GRIN2B: variants seen among roughly 807,000 people sequenced by gnomAD.
The protein encoded by GRIN2B is glutamate receptor ionotropic, NMDA 2B.
A neutral mutation model predicts 114.5 loss-of-function variants in GRIN2B; 5 were observed. That is an observed-to-expected ratio of 0.04 (90% confidence interval 0.02 to 0.09). GRIN2B has a LOEUF of 0.09. Among genes scored for constraint, GRIN2B ranks in the 10% least tolerant of loss-of-function variants. The pLI is 1.00. For missense variants in GRIN2B, 1,108 were observed against 1,943.5 expected (o/e 0.57, Z 8.08); for synonymous variants, 787 against 745.1 (o/e 1.06, Z -0.92).
At chr12:13,917,660 G>GA (rs199814901) in intron 2 of GRIN2B, among the ~76,000 whole-genome samples, 1 of 139,394 alleles carries the variant, frequency 7.2e-6, no homozygotes, top group Non-Finnish European at 1.6e-5. Context: ...AAGTTTTAAG[G>GA]AGTACACTTA....
chr12:13,638,788 C>T (rs1949687128), intron 5 of GRIN2B, among the ~76,000 whole-genome samples: 1 of 152,016 alleles, frequency 6.6e-6, no homozygotes, highest in Admixed American at 6.6e-5. Context: ...ACTGTGTATT[C>T]CTGGTGACCT....
At chr12:13,955,799 A>T (rs1356524150) in intron 2 of GRIN2B, among the ~76,000 whole-genome samples, 1 of 152,196 alleles carries the variant, frequency 6.6e-6, no homozygotes, top group African/African-American at 2.4e-5. Context: ...ACAAAGAGCC[A>T]TCCCATTTAA....
intron 3 of GRIN2B, among the ~76,000 whole-genome samples, chr12:13,766,135 T>C (rs1347864537): frequency 6.6e-6 from 1 of 152,228 alleles, no homozygotes; most frequent in Non-Finnish European, 1.5e-5. Flanking sequence ...TGTAACATTA[T>C]TGTTTGCTAA....
intron 2 of GRIN2B, among the ~76,000 whole-genome samples, chr12:13,933,361 T>C (rs1316890792): frequency 1.3e-5 from 2 of 152,226 alleles, no homozygotes; most frequent in African/African-American, 2.4e-5. Flanking sequence ...GTGGCTGCTA[T>C]ATATCTCCGT....
rs972192366 is a variant in GRIN2B at position 13,540,220 on chromosome 12, ACT to A, written c.*22561_*22562del. On this transcript the variant is annotated 3_prime_UTR_variant, in exon 14 of 14. Coordinates refer to ENST00000609686, the MANE Select transcript of GRIN2B (RefSeq NM_000834.5). The stretch of plus-strand genomic sequence containing the variant: ...AGAAAGCACAAAGACCAAGAAAAAA[ACT>A]CTGATTCTGGATTTTTTTTAACCCT... The A allele has an allele frequency of 1.1e-4, 16 of 152,082 alleles. No individual in the cohort carries two copies. The highest frequency in any genetic ancestry group is 3.9e-4 in the African/African-American group (16 of 41,412). 9.4% of individuals were successfully genotyped at this position (152,082 alleles called of 1,614,324 possible).
intron 3 of GRIN2B, among the ~76,000 whole-genome samples, chr12:13,855,639 C>T (rs148970464): frequency 3.3e-5 from 5 of 152,262 alleles, no homozygotes; most frequent in Admixed American, 1.3e-4. Flanking sequence ...ATATGGGCTT[C>T]TCCTCTGTGT....
At position 13,560,851 on chromosome 12, in the gene GRIN2B, G is replaced by C. The variant is rs948497553; in HGVS notation, c.*1932C>G. The C allele has an allele frequency of 2.0e-5, 3 of 152,328 alleles. No individual in the cohort carries two copies. The highest frequency in any genetic ancestry group is 7.2e-5 in the African/African-American group (3 of 41,474). The allele number at this position is 152,328 out of a possible 1,614,324, so 9.4% of individuals were successfully genotyped here. On this transcript the variant is annotated 3_prime_UTR_variant, in exon 14 of 14. Coordinates refer to ENST00000609686, the MANE Select transcript of GRIN2B (RefSeq NM_000834.5). ...CAAGGGCGGGATGAGGAAGGGTCAC[G>C]AGTGAGGGCAAACAGGGGCGAAGAG...
intron 2 of GRIN2B, among the ~76,000 whole-genome samples, chr12:13,914,637 A>G (rs772408826): frequency 1.3e-5 from 2 of 152,242 alleles, no homozygotes; most frequent in Non-Finnish European, 2.9e-5. Context: ...TCATTGTAGC[A>G]TGATTCACAA....
chr12:13,949,735 T>A (rs922993736), intron 2 of GRIN2B, among the ~76,000 whole-genome samples: 9 of 152,142 alleles, frequency 5.9e-5, no homozygotes, highest in African/African-American at 1.9e-4. Flanking sequence ...TTGCATTCAA[T>A]GTAGTGTATA....
intron 10 of GRIN2B, among the ~76,000 whole-genome samples, chr12:13,598,034 T>C (rs529078521): frequency 6.6e-6 from 1 of 152,178 alleles, no homozygotes; most frequent in South Asian, 2.1e-4. Context: ...TAGGGTGGGG[T>C]GGAAGGCAGT....
At chr12:13,626,697 G>T (rs994328930) in intron 5 of GRIN2B, among the ~76,000 whole-genome samples, 1 of 151,810 alleles carries the variant, frequency 6.6e-6, no homozygotes, top group Non-Finnish European at 1.5e-5. Context: ...TCCATCATTG[G>T]TTGCATGTGA....
At chr12:13,980,839 G>C (rs1863120096) in intron 1 of GRIN2B, among the ~76,000 whole-genome samples, 1 of 152,180 alleles carries the variant, frequency 6.6e-6, no homozygotes, top group Admixed American at 6.5e-5. Flanking sequence ...TGTGCTGAAT[G>C]GGTTCTGATT....
At chr12:13,847,877 A>G (rs1426437934) in intron 3 of GRIN2B, among the ~76,000 whole-genome samples, 1 of 152,140 alleles carries the variant, frequency 6.6e-6, no homozygotes, top group African/African-American at 2.4e-5. Flanking sequence ...ACGGTCCATA[A>G]ATCGTCGGAG....
intron 3 of GRIN2B, among the ~76,000 whole-genome samples, chr12:13,825,269 A>G (rs1865011952): frequency 6.6e-6 from 1 of 152,010 alleles, no homozygotes; most frequent in East Asian, 1.9e-4. Flanking sequence ...GTGGTCACAG[A>G]ACACATTTTG....
chr12:13,830,605 T>C (rs1241588721), intron 3 of GRIN2B, among the ~76,000 whole-genome samples: 1 of 152,216 alleles, frequency 6.6e-6, no homozygotes, highest in Non-Finnish European at 1.5e-5. Flanking sequence ...TCTGTGTATA[T>C]ATATTGACAC....
chr12:13,716,423 G>A (rs918419109), intron 4 of GRIN2B, among the ~76,000 whole-genome samples: 5 of 151,812 alleles, frequency 3.3e-5, no homozygotes, highest in African/African-American at 9.7e-5. Flanking sequence ...AAAGCACTAA[G>A]CTCTAAGGGT....
intron 5 of GRIN2B, among the ~76,000 whole-genome samples, chr12:13,641,819 AT>A (rs1490274834): frequency 6.6e-6 from 1 of 152,134 alleles, no homozygotes; most frequent in Non-Finnish European, 1.5e-5. Flanking sequence ...CTTGGCTAGA[AT>A]TTTTAACATT....
chr12:13,928,880 C>G (rs546953760), intron 2 of GRIN2B, among the ~76,000 whole-genome samples: 1 of 152,310 alleles, frequency 6.6e-6, no homozygotes, highest in Admixed American at 6.5e-5. Context: ...TGTCCCAGGA[C>G]AATGACAATA....
intron 3 of GRIN2B, among the ~76,000 whole-genome samples, chr12:13,845,414 C>T (rs1384238296): frequency 1.3e-5 from 2 of 152,058 alleles, no homozygotes; most frequent in Admixed American, 6.6e-5. Flanking sequence ...TTCAGTTTGC[C>T]CTTGTCCTCA....
Sources: allele counts gnomAD v4.1 joint callset (sites outside exome capture counted in the v4.1 genomes callset), GRCh38; gene constraint gnomAD v4.1.1; transcripts MANE v1.5; gene names NCBI Gene and HGNC (gene_info 2026-07-23, HGNC 2026-07-21).